HK2: variants seen among roughly 807,000 people sequenced by gnomAD.
HK2 encodes the protein hexokinase 2.
HK2 carries 42 observed loss-of-function variants against 92.9 expected under a neutral mutation model. The observed-to-expected ratio is 0.45, with a 90% CI of 0.35 to 0.58. The LOEUF is 0.58. HK2 is among the 20% of genes least tolerant of loss of function. The probability of loss-of-function intolerance (pLI) is 0.00; values close to 1 mark genes in which losing one functional copy is unlikely to be tolerated. For missense variants in HK2, 978 were observed against 1,245.1 expected (o/e 0.79, Z 3.23); for synonymous variants, 422 against 468.0 (o/e 0.90, Z 1.27).
intron 3 of HK2, among the ~76,000 whole-genome samples, chr2:74,868,956 A>C (rs2103942634): frequency 6.6e-6 from 1 of 152,334 alleles, no homozygotes; most frequent in South Asian, 2.1e-4. Context: ...AAGGACAATG[A>C]AGTGCGTCTC....
intron 13 of HK2, 128 bp downstream of exon 13, chr2:74,885,717 C>T (rs990876817): frequency 2.1e-5 from 15 of 730,634 alleles, no homozygotes; most frequent in Admixed American, 1.8e-4. Flanking sequence ...ACTCAAGCGT[C>T]GTTCAGCAGT....
At chr2:74,849,605 C>T (rs1014590953) in intron 1 of HK2, among the ~76,000 whole-genome samples, 1 of 152,204 alleles carries the variant, frequency 6.6e-6, no homozygotes, top group Non-Finnish European at 1.5e-5. Context: ...TTTGGGGAAA[C>T]AGCCTCTGCT....
At position 74,880,531 on chromosome 2, in the gene HK2, T is replaced by C. The variant is rs1382758294; in HGVS notation, c.1532T>C (p.Met511Thr). ...ACTCATGCCAGTGCCCCCGTCAAGA[T>C]GCTGCCCACCTACGTGTGTGCTACC... Reference protein sequence around the residue: ...KETHASAPVKMLPTYVCATPD... With the variant: ...KETHASAPVKTLPTYVCATPD... Residue 511 changes from methionine to threonine, a missense_variant, in exon 10 of 18, where the codon ATG becomes ACG. By Grantham distance (81) the Met-to-Thr change is moderately conservative. Around this residue, in one of 3 missense-constraint regions of HK2, gnomAD observed 742 missense variants for 922.5 expected, o/e 0.80. Transcript: ENST00000290573. The C allele has an allele frequency of 5.6e-6, 9 of 1,614,206 alleles. No homozygotes were observed. The highest frequency in any genetic ancestry group is 7.6e-6 in the Non-Finnish European group (9 of 1,180,010).
intron 13 of HK2, 72 bp downstream of exon 13, chr2:74,885,661 G>GTGAAGGCAACA (rs1429551562): frequency 9.7e-7 from 1 of 1,034,764 alleles, no homozygotes; most frequent in Non-Finnish European, 1.5e-6. Context: ...TGTTCAGAAA[G>GTGAAGGCAACA]TGAAGGCAAC....
chr2:74,860,368 C>T (rs554764061), intron 2 of HK2, among the ~76,000 whole-genome samples: 1 of 152,304 alleles, frequency 6.6e-6, no homozygotes, highest in South Asian at 2.1e-4. Context: ...AGATACAGAA[C>T]ATTACCATCA....
chr2:74,890,354 G>T (rs1390212228), intron 17 of HK2, among the ~76,000 whole-genome samples: 1 of 152,248 alleles, frequency 6.6e-6, no homozygotes, highest in African/African-American at 2.4e-5. Context: ...TGGAGCACAT[G>T]TGGCTCTGAT....
intron 1 of HK2, among the ~76,000 whole-genome samples, chr2:74,844,309 T>C (rs767669985): frequency 5.3e-5 from 8 of 152,222 alleles, no homozygotes; most frequent in Non-Finnish European, 1.2e-4. Context: ...ATCATGTTTT[T>C]TTAAAACACA....
In HK2 at chr2:74,893,215, G is replaced by T. The variant is rs1689725645; in HGVS notation, c.*2274G>T. ...AATACAGTGGATCTCAATCTTCGGG[G>T]TGTGATGAATAGCGAATCATCTCAA... On this transcript the variant is annotated 3_prime_UTR_variant, in exon 18 of 18. Transcript: ENST00000290573. 1 of 152,134 alleles carries T rather than the reference G, an allele frequency of 6.6e-6. No homozygotes were observed. Among genetic ancestry groups the T allele is most frequent in the Non-Finnish European group, 1.5e-5 (1 of 68,036 alleles). 9.4% of individuals were successfully genotyped at this position (152,134 alleles called of 1,614,324 possible).
intron 2 of HK2, among the ~76,000 whole-genome samples, chr2:74,864,420 T>G (rs1341364541): frequency 1.3e-5 from 2 of 152,360 alleles, no homozygotes; most frequent in Admixed American, 1.3e-4. Context: ...CTCCATGGCC[T>G]TGACAGGGAG....
chr2:74,888,117 CA>C, intron 16 of HK2, 59 bp downstream of exon 16: 1 of 1,559,998 alleles, frequency 6.4e-7, no homozygotes, highest in South Asian at 1.1e-5. Context: ...CACTGGCAGA[CA>C]AACTGAAGGA....
At position 74,885,593 on chromosome 2, in the gene HK2, G is replaced by C; in HGVS notation, c.1935+4G>C. On this transcript the variant is annotated splice_donor_region_variant and intron_variant, in intron 13 of 17. Transcript: ENST00000290573. ...GGAAGCGATCCACCGGCGAGAGGTA[G>C]GAGACACATGGCACGAGGTCTGATG... is the stretch of plus-strand genomic sequence containing the variant. The C allele has an allele frequency of 4.4e-6, 7 of 1,595,478 alleles. No individual in the cohort carries two copies. The highest frequency in any genetic ancestry group is 6.0e-6 in the Non-Finnish European group (7 of 1,162,996).
At chr2:74,852,206 A>G (rs919546561) in intron 1 of HK2, among the ~76,000 whole-genome samples, 1 of 152,236 alleles carries the variant, frequency 6.6e-6, no homozygotes, top group African/African-American at 2.4e-5. Context: ...AGGACATCTC[A>G]GGCTTTTCCT....
Position 74,891,600 on chromosome 2 carries a change from G to C in HK2, c.*659G>C, listed in dbSNP as rs2104034717. On this transcript the variant is annotated 3_prime_UTR_variant, in exon 18 of 18. Transcript: ENST00000290573. The stretch of plus-strand genomic sequence containing the variant: ...CAGGAGTTGACGCATCCTGCAGTTG[G>C]GCCAGCTGTCGCATCTCAGCGGGGC... 6.5e-6 allele frequency: 1 copy of C among 152,676 alleles called. No homozygotes were observed. The highest frequency in any genetic ancestry group is 1.5e-5 in the Non-Finnish European group (1 of 68,290). The allele number at this position is 152,676 out of a possible 1,614,324, so 9.5% of individuals were successfully genotyped here.
intron 1 of HK2, among the ~76,000 whole-genome samples, chr2:74,840,139 G>A (rs558173480): frequency 6.7e-6 from 1 of 150,372 alleles, no homozygotes; most frequent in East Asian, 2.0e-4. Context: ...TATATCTTTA[G>A]TAGAGATGGG....
chr2:74,842,520 G>C (rs1224772763), intron 1 of HK2, among the ~76,000 whole-genome samples: 1 of 152,232 alleles, frequency 6.6e-6, no homozygotes, highest in East Asian at 1.9e-4. Context: ...CCGTCCGCCT[G>C]GACAGGAGCA....
chr2:74,874,122 A>G, intron 6 of HK2, 144 bp from the exon 7 acceptor site: 1 of 1,087,174 alleles, frequency 9.2e-7, no homozygotes, highest in Non-Finnish European at 1.4e-6. Context: ...AGAAGATTAG[A>G]CCATGTATTG....
chr2:74,869,940 C>G (rs1465203891), intron 3 of HK2, among the ~76,000 whole-genome samples: 1 of 151,974 alleles, frequency 6.6e-6, no homozygotes, highest in Non-Finnish European at 1.5e-5. Flanking sequence ...GCATCGAGCC[C>G]TTGAAGTGTG....
chr2:74,873,934 C>G lies in HK2; in HGVS notation c.682C>G (p.Leu228Val). ...GYDDHNCEIG[L>V]IVGTGSNACY... is the part of the protein sequence containing the mutation. Reference sequence around the variant, plus strand: ...TGATGACCACAACTGTGAGATTGGTCTCATTGTGGGTGAGTGAACACCGTG... The same window carrying G: ...TGATGACCACAACTGTGAGATTGGTGTCATTGTGGGTGAGTGAACACCGTG... The change falls in exon 6 of 18, where the codon CTC (leucine) becomes GTC (valine). Residue 228 changes from leucine to valine, a missense_variant. Transcript: ENST00000290573. 1 of 1,612,662 alleles carries G rather than the reference C, an allele frequency of 6.2e-7. No individual in the cohort carries two copies. Among genetic ancestry groups the G allele is most frequent in the Non-Finnish European group, 8.5e-7 (1 of 1,178,744 alleles).
intron 2 of HK2, among the ~76,000 whole-genome samples, chr2:74,861,809 A>G (rs1296854140): frequency 6.6e-6 from 1 of 152,222 alleles, no homozygotes; most frequent in African/African-American, 2.4e-5. Flanking sequence ...TGCCAGCCGC[A>G]TGTTCTAACT....
Sources: gnomAD v4.1 joint callset for allele counts (sites outside exome capture counted in the v4.1 genomes callset) on GRCh38, gnomAD v4.1.1 for gene constraint, gnomAD v4.1.1 regional missense constraint, MANE v1.5 for transcripts, NCBI Gene and HGNC (gene_info 2026-07-23, HGNC 2026-07-21) for gene names.